Variants in UIMC1 observed in about 807,000 individuals in gnomAD.
UIMC1 encodes BRCA1-A complex subunit RAP80.
UIMC1 carries 42 observed loss-of-function variants against 84.9 expected under a neutral mutation model. The observed-to-expected ratio is 0.49, with a 90% confidence interval of 0.39 to 0.64. UIMC1 has a LOEUF of 0.64. Among genes scored for constraint, UIMC1 ranks in the 30% least tolerant of loss-of-function variants. The pLI is 0.00. For missense variants in UIMC1, 825 were observed against 847.6 expected (o/e 0.97, Z 0.33); for synonymous variants, 281 against 293.0 (o/e 0.96, Z 0.42).
At chr5:176,973,628 G>C (rs1769608666) in intron 3 of UIMC1, among the ~76,000 whole-genome samples, 1 of 151,856 alleles carries the variant, frequency 6.6e-6, no homozygotes, top group Non-Finnish European at 1.5e-5. Context: ...AAATAGCTGG[G>C]TGTAGTGATG....
intron 10 of UIMC1, among the ~76,000 whole-genome samples, chr5:176,928,388 A>G (rs961884046): frequency 1.3e-5 from 2 of 152,200 alleles, no homozygotes; most frequent in African/African-American, 4.8e-5. Flanking sequence ...ACAATACTAT[A>G]TTAGATACTA....
chr5:177,016,132 A>AGGTGGGG (rs1382483692), intron 1 of UIMC1, among the ~76,000 whole-genome samples: 2 of 152,034 alleles, frequency 1.3e-5, no homozygotes, highest in Non-Finnish European at 2.9e-5. Flanking sequence ...TGGGAGGCCA[A>AGGTGGGG]GGTGGGGGGA....
intron 10 of UIMC1, among the ~76,000 whole-genome samples, chr5:176,923,634 C>T (rs545218172): frequency 6.6e-5 from 10 of 151,252 alleles, no homozygotes; most frequent in South Asian, 4.2e-4. Context: ...GAGGCTGAGG[C>T]GGACAGATCA....
chr5:176,982,712 CT>C, intron 1 of UIMC1, 89 bp from the exon 2 acceptor site: 12 of 1,426,814 alleles, frequency 8.4e-6, no homozygotes, highest in Non-Finnish European at 1.0e-5. Context: ...TCAACTTAGT[CT>C]TTTTTTGAGA....
chr5:177,010,702 T>C (rs1561941038), upstream of UIMC1, among the ~76,000 whole-genome samples: 1 of 152,092 alleles, frequency 6.6e-6, no homozygotes, highest in Non-Finnish European at 1.5e-5. Flanking sequence ...TTTGTATTTT[T>C]AGTAGAGATT....
At chr5:177,004,318 C>T (rs756183289) in intron 1 of UIMC1, among the ~76,000 whole-genome samples, 39 of 152,280 alleles carry the variant, frequency 2.6e-4, no homozygotes, top group Middle Eastern at 3.4e-3. Context: ...TCCAAAATTT[C>T]CAGTGCTTCA....
chr5:176,974,428 C>G (rs1009637147), intron 3 of UIMC1, among the ~76,000 whole-genome samples: 2 of 152,048 alleles, frequency 1.3e-5, no homozygotes, highest in Admixed American at 6.6e-5. Context: ...AAAGCTAAAA[C>G]TATAAAATTT....
intron 1 of UIMC1, among the ~76,000 whole-genome samples, chr5:176,995,768 G>T (rs1439003721): frequency 3.3e-5 from 5 of 149,332 alleles, no homozygotes; most frequent in Non-Finnish European, 7.4e-5. Flanking sequence ...GCTTGAACCT[G>T]GGAGGCAGAG....
rs1327809942 is a variant in UIMC1, at chr5:176,905,065, T to G, written c.*217A>C. ...CAAACATAAATATATTTAAATTTTT[T>G]AACTGTAAGTAAATTCAAACAAACT... On this transcript the variant is annotated 3_prime_UTR_variant, in exon 15 of 15. Transcript: ENST00000511320. 1 of 426,206 alleles carries G rather than the reference T, an allele frequency of 2.3e-6. No individual in the cohort carries two copies. The highest frequency in any genetic ancestry group is 2.0e-5 in the African/African-American group (1 of 49,338). 26.4% of individuals were successfully genotyped at this position (426,206 alleles called of 1,614,324 possible). A position where few individuals can be genotyped will look rare whatever the true frequency, so the allele number is the denominator to read the frequency against.
intron 1 of UIMC1, among the ~76,000 whole-genome samples, chr5:176,995,843 CAAAAAAAAAAA>C (rs34672103): frequency 1.0e-4 from 8 of 79,618 alleles, no homozygotes; most frequent in African/African-American, 2.4e-4. Context: ...AACTCCATCT[CAAAAAAAAAAA>C]AAAAAAAAAA....
At chr5:176,964,332 G>C (rs1232444532) in intron 6 of UIMC1, among the ~76,000 whole-genome samples, 1 of 152,176 alleles carries the variant, frequency 6.6e-6, no homozygotes, top group Non-Finnish European at 1.5e-5. Context: ...AGGCTTCAGT[G>C]AACTAGATAT....
At chr5:176,947,115 A>G (rs1402039261) in intron 9 of UIMC1, among the ~76,000 whole-genome samples, 1 of 152,210 alleles carries the variant, frequency 6.6e-6, no homozygotes, top group Non-Finnish European at 1.5e-5. Flanking sequence ...AAGAGGGAGT[A>G]GTCACTTGTC....
chr5:176,909,008 C>T (rs112472834), intron 11 of UIMC1, among the ~76,000 whole-genome samples: 1,895 of 152,242 alleles, frequency 0.012, 28 homozygotes, highest in African/African-American at 0.033. Context: ...AATATTCTGT[C>T]GAACTCTTCC....
At chr5:176,999,473 T>C (rs1774132171) in intron 1 of UIMC1, among the ~76,000 whole-genome samples, 1 of 152,140 alleles carries the variant, frequency 6.6e-6, no homozygotes, top group Non-Finnish European at 1.5e-5. Flanking sequence ...AGTCATCCTA[T>C]TGTGCTATCA....
rs1179739186 is a variant in UIMC1 at position 176,905,242 on chromosome 5, C to T, written c.*40G>A. The T allele has an allele frequency of 6.2e-7, 1 of 1,604,794 alleles. No individual in the cohort carries two copies. Among genetic ancestry groups the T allele is most frequent in the Admixed American group, 1.7e-5 (1 of 59,608 alleles). ...ATGGCTTAATGAACATGGCCCACCC[C>T]TCCTACTAATGGTTTTGTCAACTTT... On this transcript the variant is annotated 3_prime_UTR_variant, in exon 15 of 15. Coordinates refer to ENST00000511320, the MANE Select transcript of UIMC1 (RefSeq NM_001199298.2).
intron 8 of UIMC1, among the ~76,000 whole-genome samples, chr5:176,953,726 A>G (rs1766219008): frequency 6.6e-6 from 1 of 152,234 alleles, no homozygotes; most frequent in African/African-American, 2.4e-5. Flanking sequence ...TTAGCTTCTC[A>G]GAAAAAAGCA....
At chr5:176,984,828 A>C (rs948598555) in intron 1 of UIMC1, among the ~76,000 whole-genome samples, 3 of 152,192 alleles carry the variant, frequency 2.0e-5, no homozygotes, top group African/African-American at 7.2e-5. Context: ...GTGCTGTGTC[A>C]ACTCAGGGTT....
chr5:176,988,809 A>G (rs1772398811), intron 1 of UIMC1, among the ~76,000 whole-genome samples: 1 of 150,024 alleles, frequency 6.7e-6, no homozygotes, highest in African/African-American at 2.5e-5. Flanking sequence ...TCAGCCTCCC[A>G]AGCAGCTGGG....
chr5:176,944,665 G>C (rs753450555), intron 9 of UIMC1, among the ~76,000 whole-genome samples: 6 of 152,220 alleles, frequency 3.9e-5, no homozygotes, highest in Non-Finnish European at 8.8e-5. Flanking sequence ...TGTGACTTCT[G>C]AGTCAACTGG....
Sources: gnomAD v4.1 joint callset for allele counts (sites outside exome capture counted in the v4.1 genomes callset) on GRCh38, gnomAD v4.1.1 for gene constraint, MANE v1.5 for transcripts, NCBI Gene and HGNC (gene_info 2026-07-23, HGNC 2026-07-21) for gene names.